Variants in COL24A1 observed in about 807,000 individuals in gnomAD.
The protein encoded by COL24A1 is collagen type XXIV alpha 1 chain, also known as collagen alpha-1(XXIV) chain.
Under a neutral mutation model 253.9 loss-of-function variants are expected in COL24A1, and 224 were observed. The observed-to-expected ratio is 0.88, with a 90% CI of 0.79 to 0.99. The LOEUF (loss-of-function observed/expected upper bound fraction) is 0.99, where lower values mean the gene tolerates loss of function less well. Ranked by LOEUF, COL24A1 falls within the 50% of genes least tolerant of loss-of-function variation. COL24A1 has a pLI of 0.00. For missense variants in COL24A1, 2,131 were observed against 2,068.5 expected (o/e 1.03, Z -0.59); for synonymous variants, 685 against 673.7 (o/e 1.02, Z -0.26).
intron 47 of COL24A1, among the ~76,000 whole-genome samples, chr1:85,803,183 C>T (rs1671612427): frequency 6.6e-6 from 1 of 152,066 alleles, no homozygotes; most frequent in African/African-American, 2.4e-5. Flanking sequence ...GGTGCAGTGG[C>T]TCATGCCTGT....
chr1:85,933,471 A>G (rs116570544), intron 24 of COL24A1, among the ~76,000 whole-genome samples: 301 of 152,278 alleles, frequency 2.0e-3, no homozygotes, highest in African/African-American at 6.9e-3. Context: ...TCTCCCAAAG[A>G]CTATTTCCTA....
chr1:85,734,866 C>A lies in COL24A1; in HGVS notation c.4881G>T (p.Arg1627Ser), dbSNP rs1348303506. The A allele has an allele frequency of 6.2e-7, 1 of 1,614,040 alleles. No individual in the cohort carries two copies. Among genetic ancestry groups the A allele is most frequent in the Non-Finnish European group, 8.5e-7 (1 of 1,180,044 alleles). Residue 1627 changes from arginine (R) to serine (S), a missense_variant, in exon 59 of 60, where the codon AGG (arginine) becomes AGT (serine). Arg to Ser is a moderately radical substitution (Grantham distance 110, BLOSUM62 -1). Transcript: ENST00000370571. Reference sequence around the variant, plus strand: ...GGCCACTTGTTTGTGTGCTTGTCCACCTTGGGGTGTTTAGACAGTGAATGG... The same window carrying A: ...GGCCACTTGTTTGTGTGCTTGTCCAACTTGGGGTGTTTAGACAGTGAATGG... ...IITIHCLNTP[R>S]WTSTQTSGPG...
intron 43 of COL24A1, among the ~76,000 whole-genome samples, chr1:85,837,897 T>C (rs768505467): frequency 3.3e-5 from 5 of 151,992 alleles, no homozygotes; most frequent in Admixed American, 6.6e-5. Context: ...CAATTGGCAA[T>C]GTAAATAGAG....
chr1:85,823,414 T>G, intron 45 of COL24A1, 122 bp downstream of exon 45: 1 of 873,520 alleles, frequency 1.1e-6, no homozygotes, highest in Non-Finnish European at 1.8e-6. Context: ...AGGCCCATAG[T>G]GATCCATATT....
At chr1:85,778,910 A>G (rs2101519799) in intron 52 of COL24A1, among the ~76,000 whole-genome samples, 1 of 152,230 alleles carries the variant, frequency 6.6e-6, no homozygotes, top group South Asian at 2.1e-4. Context: ...GGCCTCTTCT[A>G]AGATTTTTAT....
chr1:86,090,195 A>G (rs1703395641), intron 6 of COL24A1, among the ~76,000 whole-genome samples: 1 of 152,196 alleles, frequency 6.6e-6, no homozygotes, highest in Non-Finnish European at 1.5e-5. Context: ...GGAAGATAAA[A>G]CTGCACAAGG....
intron 24 of COL24A1, among the ~76,000 whole-genome samples, chr1:85,923,389 A>T (rs965865638): frequency 1.3e-5 from 2 of 152,164 alleles, no homozygotes; most frequent in Non-Finnish European, 2.9e-5. Context: ...AACACATCAC[A>T]CTTATTCCAA....
intron 2 of COL24A1, among the ~76,000 whole-genome samples, chr1:86,142,977 C>A (rs572510993): frequency 6.6e-6 from 1 of 152,160 alleles, no homozygotes; most frequent in African/African-American, 2.4e-5. Flanking sequence ...AAAAAGTCTG[C>A]AAGCCAGATA....
chr1:86,112,652 G>A (rs1274156851), intron 4 of COL24A1, 32 bp from the exon 5 acceptor site: 1 of 1,591,692 alleles, frequency 6.3e-7, no homozygotes, highest in Non-Finnish European at 8.6e-7. Flanking sequence ...ATCATTCTTG[G>A]AACATACTGG....
chr1:86,017,164 G>A lies in COL24A1; in HGVS notation c.2297C>T (p.Pro766Leu), dbSNP rs2101238975. 2 of 1,592,610 alleles carry A rather than the reference G, an allele frequency of 1.3e-6. No individual in the cohort carries two copies. Among genetic ancestry groups the A allele is most frequent in the East Asian group, 4.7e-5 (2 of 42,864 alleles). Residue 766 changes from proline (P) to leucine (L), a missense_variant, in exon 19 of 60, where the codon CCT (proline) becomes CTT (leucine). Physicochemically the swap from Pro to Leu is moderately conservative, Grantham distance 98 (BLOSUM62 -3). Coordinates refer to ENST00000370571, the MANE Select transcript of COL24A1 (RefSeq NM_152890.7). The stretch of plus-strand genomic sequence containing the variant: ...CCAATATTTTACCTCTGGTCCTGGA[G>A]GGCCAGATGGTCCTTGGAGTCCTGG... The part of the protein sequence containing the change: ...GDPGLQGPSG[P>L]PGPEGFPGDI...
chr1:86,066,974 T>C (rs1482494405), intron 7 of COL24A1, among the ~76,000 whole-genome samples: 1 of 151,810 alleles, frequency 6.6e-6, no homozygotes, highest in Admixed American at 6.6e-5. Flanking sequence ...CCGTCTCTAT[T>C]AAAAATACAA....
chr1:86,037,962 A>C (rs1249467805), intron 12 of COL24A1, among the ~76,000 whole-genome samples: 1 of 152,162 alleles, frequency 6.6e-6, no homozygotes, highest in Non-Finnish European at 1.5e-5. Flanking sequence ...ATAATAACAA[A>C]AAGTATTACA....
At chr1:85,880,395 T>G (rs1054920765) in intron 32 of COL24A1, among the ~76,000 whole-genome samples, 1 of 152,210 alleles carries the variant, frequency 6.6e-6, no homozygotes, top group African/African-American at 2.4e-5. Context: ...TTATAACTGC[T>G]TATTAGTTTC....
intron 5 of COL24A1, among the ~76,000 whole-genome samples, chr1:86,109,821 T>C (rs911988887): frequency 1.3e-5 from 2 of 152,264 alleles, no homozygotes. Flanking sequence ...AAAATTTATA[T>C]GTTGAAACCT....
At chr1:86,126,295 A>AC in intron 2 of COL24A1, 81 bp from the exon 3 acceptor site, 4 of 1,299,154 alleles carry the variant, frequency 3.1e-6, no homozygotes, top group Non-Finnish European at 4.2e-6. Context: ...AATATGATAA[A>AC]AATCTTCCTT....
At position 85,729,674 on chromosome 1, in the gene COL24A1, A is replaced by G. The variant is rs1446699587; in HGVS notation, c.*872T>C. ...TCATGAACTTTAAAAACAGTATGGC[A>G]CAACCCCCAATCTGTACCCCAAACC... is the stretch of plus-strand genomic sequence containing the variant. On this transcript the variant is annotated 3_prime_UTR_variant, in exon 60 of 60. Transcript: ENST00000370571. 2 of 152,590 alleles carry G rather than the reference A, an allele frequency of 1.3e-5. No individual in the cohort carries two copies. Among genetic ancestry groups the G allele is most frequent in the East Asian group, 3.8e-4 (2 of 5,198 alleles). 9.5% of individuals were successfully genotyped at this position (152,590 alleles called of 1,614,324 possible).
At chr1:86,103,520 C>T (rs1345151353) in intron 5 of COL24A1, among the ~76,000 whole-genome samples, 1 of 152,120 alleles carries the variant, frequency 6.6e-6, no homozygotes, top group East Asian at 1.9e-4. Context: ...GGTAATGGCC[C>T]TTCCTTTCCA....
chr1:85,842,232 G>A, intron 40 of COL24A1, 108 bp downstream of exon 40: 1 of 1,334,012 alleles, frequency 7.5e-7, no homozygotes. Flanking sequence ...ACCTAAATAT[G>A]TTAGAAAGGT....
intron 2 of COL24A1, among the ~76,000 whole-genome samples, chr1:86,135,284 G>A (rs1170208248): frequency 6.6e-6 from 1 of 152,072 alleles, no homozygotes; most frequent in Non-Finnish European, 1.5e-5. Flanking sequence ...GCACACTGAT[G>A]TGTCTTGACT....
Sources: allele counts gnomAD v4.1 joint callset (sites outside exome capture counted in the v4.1 genomes callset), GRCh38; gene constraint gnomAD v4.1.1; transcripts MANE v1.5; gene names NCBI Gene and HGNC (gene_info 2026-07-23, HGNC 2026-07-21).